KIF26B: variants seen among roughly 807,000 people sequenced by gnomAD.
KIF26B encodes kinesin-like protein KIF26B.
Under a neutral mutation model 151.2 loss-of-function variants are expected in KIF26B, and 63 were observed. The ratio of observed to expected loss-of-function variants is 0.42; its 90% confidence interval spans 0.34 to 0.51. The LOEUF (loss-of-function observed/expected upper bound fraction) is 0.51. Ranked by LOEUF, KIF26B falls within the 20% of genes least tolerant of loss-of-function variation. The pLI, the probability that KIF26B is intolerant of heterozygous loss-of-function variation, is 0.07. For missense variants in KIF26B, 2,813 were observed against 2,913.6 expected (o/e 0.97, Z 0.79); for synonymous variants, 1,357 against 1,262.1 (o/e 1.08, Z -1.59).
intron 5 of KIF26B, among the ~76,000 whole-genome samples, chr1:245,550,417 C>A (rs1332666959): frequency 6.6e-6 from 1 of 152,246 alleles, no homozygotes; most frequent in Non-Finnish European, 1.5e-5. Context: ...AGTGCTCTTG[C>A]CTGCTCCGTC....
intron 4 of KIF26B, among the ~76,000 whole-genome samples, chr1:245,433,085 C>T (rs1294461575): frequency 6.6e-6 from 1 of 152,164 alleles, no homozygotes; most frequent in East Asian, 1.9e-4. Flanking sequence ...TGCATCATAT[C>T]CATTAATAAA....
intron 12 of KIF26B, among the ~76,000 whole-genome samples, chr1:245,696,753 A>G (rs1169419817): frequency 6.6e-6 from 1 of 152,196 alleles, no homozygotes; most frequent in Admixed American, 6.5e-5. Context: ...TGGGGCCTGC[A>G]CTTTGTTGGA....
At chr1:245,164,149 T>C (rs554684747) in intron 2 of KIF26B, among the ~76,000 whole-genome samples, 2 of 152,244 alleles carry the variant, frequency 1.3e-5, no homozygotes, top group South Asian at 2.1e-4. Context: ...TTTAGTGTTT[T>C]ATTAGGAATG....
intron 2 of KIF26B, among the ~76,000 whole-genome samples, chr1:245,180,804 G>GA (rs1344230986): frequency 2.6e-5 from 4 of 152,144 alleles, no homozygotes; most frequent in South Asian, 2.1e-4. Flanking sequence ...AGGATTTGGG[G>GA]TCCTTCTAGA....
intron 9 of KIF26B, among the ~76,000 whole-genome samples, chr1:245,630,949 T>G (rs1400490370): frequency 6.6e-6 from 1 of 152,152 alleles, no homozygotes; most frequent in African/African-American, 2.4e-5. Flanking sequence ...TTTCAACTAT[T>G]TGTTGCTGGT....
intron 3 of KIF26B, among the ~76,000 whole-genome samples, chr1:245,376,838 C>T (rs1673287900): frequency 6.6e-6 from 1 of 151,418 alleles, no homozygotes; most frequent in Admixed American, 6.6e-5. Context: ...CAGGTGCCCA[C>T]CACCACACCC....
At chr1:245,607,630 G>T (rs373877077) in intron 6 of KIF26B, 21 bp from the exon 7 acceptor site, 12 of 1,587,844 alleles carry the variant, frequency 7.6e-6, no homozygotes, top group Middle Eastern at 1.7e-4. Flanking sequence ...CACGGCTCGT[G>T]TCTCCTCTTG....
chr1:245,471,256 G>A (rs1282445131), intron 4 of KIF26B, among the ~76,000 whole-genome samples: 2 of 151,708 alleles, frequency 1.3e-5, no homozygotes, highest in Non-Finnish European at 2.9e-5. Context: ...TTGGCCTCCC[G>A]AGTAGCTGGG....
intron 10 of KIF26B, among the ~76,000 whole-genome samples, chr1:245,674,063 C>G (rs1216305760): frequency 6.6e-6 from 1 of 152,196 alleles, no homozygotes; most frequent in African/African-American, 2.4e-5. Context: ...ACTCCTAAAC[C>G]TGAGGATGAT....
rs750217380 is a variant in KIF26B, at chr1:245,686,039, C to T, written c.3056C>T (p.Pro1019Leu). The T allele has an allele frequency of 9.4e-6, 15 of 1,594,700 alleles. No homozygotes were observed. The highest frequency in any genetic ancestry group is 7.9e-5 in the South Asian group (7 of 88,790). ...GCGGCACCCGCCCACAGCCCCAGCC[C>T]GGCCTCACCCAGGAGCGTCCCGGGC... ...PAAAPAHSPS[P>L]ASPRSVPGSS... Residue 1019 changes from proline to leucine, a missense_variant, in exon 12 of 15, where the codon CCG (proline) becomes CTG (leucine). Transcript: ENST00000407071. This position sits in a 1 kb window ranked among gnomAD's most constrained non-coding sequence, Gnocchi z 5.6.
chr1:245,420,740 T>C (rs1212557827), intron 4 of KIF26B, among the ~76,000 whole-genome samples: 1 of 152,230 alleles, frequency 6.6e-6, no homozygotes, highest in Non-Finnish European at 1.5e-5. Flanking sequence ...CATAAGATGA[T>C]GAGAAATTAT....
At chr1:245,475,399 G>A (rs1056912889) in intron 4 of KIF26B, among the ~76,000 whole-genome samples, 1 of 151,800 alleles carries the variant, frequency 6.6e-6, no homozygotes, top group African/African-American at 2.4e-5. Flanking sequence ...TGTTTACAAT[G>A]GGGACAGCCT....
chr1:245,240,099 G>A (rs1174786492), intron 2 of KIF26B, among the ~76,000 whole-genome samples: 2 of 152,028 alleles, frequency 1.3e-5, no homozygotes, highest in East Asian at 3.9e-4. Flanking sequence ...GAACCCGGGA[G>A]GCGGAGGTTG....
At chr1:245,209,171 G>A (rs910809047) in intron 2 of KIF26B, among the ~76,000 whole-genome samples, 1 of 152,148 alleles carries the variant, frequency 6.6e-6, no homozygotes, top group Non-Finnish European at 1.5e-5. Flanking sequence ...AGGCTGAGAC[G>A]GGTGGATCAT....
At chr1:245,297,370 A>T (rs1182070803) in intron 2 of KIF26B, among the ~76,000 whole-genome samples, 1 of 152,184 alleles carries the variant, frequency 6.6e-6, no homozygotes, top group Non-Finnish European at 1.5e-5. Context: ...AATTTTTATT[A>T]TTTCCATGTT....
rs1267024081 is a variant in KIF26B, at chr1:245,170,890, T to C, written c.465+14207T>C. On this transcript the variant is annotated intron_variant, in intron 2 of 14. Transcript: ENST00000407071. This position sits in a 1 kb window ranked among gnomAD's most constrained non-coding sequence, Gnocchi z 4.4. ...CTAGACACTGACCCCTCAGGCAGTG[T>C]TCATGTTTGGTTTAATTTTTCCCTT... Among the ~76,000 whole-genome samples the C allele has an allele frequency of 6.6e-6, 1 of 152,178 alleles. No individual in the cohort carries two copies. The highest frequency in any genetic ancestry group is 1.5e-5 in the Non-Finnish European group (1 of 68,028).
chr1:245,287,717 G>A (rs1671191526), intron 2 of KIF26B, among the ~76,000 whole-genome samples: 2 of 152,028 alleles, frequency 1.3e-5, no homozygotes, highest in Middle Eastern at 3.4e-3. Context: ...TGATCAGGCT[G>A]GTCTCAAACT....
At chr1:245,315,822 A>G (rs1671761440) in intron 2 of KIF26B, among the ~76,000 whole-genome samples, 1 of 151,972 alleles carries the variant, frequency 6.6e-6, no homozygotes, top group African/African-American at 2.4e-5. Context: ...AGCCCCGTAG[A>G]TGGAGGCTGC....
intron 4 of KIF26B, among the ~76,000 whole-genome samples, chr1:245,464,760 AAGAC>A (rs574070175): frequency 3.4e-4 from 52 of 152,168 alleles, no homozygotes; most frequent in African/African-American, 4.8e-4. Context: ...CAGAGTCCAG[AAGAC>A]AGACAGTTGA....
Sources: gnomAD v4.1 joint callset for allele counts (sites outside exome capture counted in the v4.1 genomes callset) on GRCh38, gnomAD v4.1.1 for gene constraint, Gnocchi (gnomAD v3.1) non-coding constraint, MANE v1.5 for transcripts, NCBI Gene and HGNC (gene_info 2026-07-23, HGNC 2026-07-21) for gene names.